Variants in ECRG4 observed in about 807,000 individuals in gnomAD.
ECRG4 encodes augurin.
A neutral mutation model predicts 15.8 loss-of-function variants in ECRG4; 18 were observed. The ratio of observed to expected loss-of-function variants is 1.14; its 90% CI spans 0.79 to 1.69. The LOEUF (loss-of-function observed/expected upper bound fraction) is 1.69, where lower values mean the gene tolerates loss of function less well. Among genes scored for constraint, ECRG4 ranks in the 40% most tolerant of loss-of-function variants. ECRG4 has a pLI of 0.00. For synonymous variants in ECRG4, 82 were observed against 73.9 expected, an observed-to-expected ratio of 1.11 and a Z score of -0.56; for missense variants, 200 against 190.9, an observed-to-expected ratio of 1.05 and a Z score of -0.28.
In ECRG4 at chr2:106,077,884, C is replaced by T. The variant is rs76863264; in HGVS notation, c.405C>T (p.Tyr135=). The T allele has an allele frequency of 8.4e-5, 135 of 1,614,058 alleles. No individual in the cohort carries two copies. The highest frequency in any genetic ancestry group is 4.3e-4 in the South Asian group (39 of 91,090). ...EDSAIGPRSP[Y]GFRHGASVNY... ...CTGCAATTGGTCCCCGGAGCCCCTA[C>T]GGCTTTAGGCATGGAGCCAGCGTCA... Residue 135 remains tyrosine (Y), a synonymous_variant, in exon 4 of 4, where the codon TAC becomes TAT. Coordinates refer to ENST00000238044, the MANE Select transcript of ECRG4 (RefSeq NM_032411.3).
Position 106,068,847 on chromosome 2 carries a change from G to A in ECRG4, c.80-2997G>A, listed in dbSNP as rs1446437895. Among the ~76,000 whole-genome samples the A allele has an allele frequency of 4.6e-5, 7 of 152,206 alleles. No individual in the cohort carries two copies. In the East Asian group the frequency reaches 5.8e-4, roughly 13 times the overall value. ...TTTAAGTTTGGAAGGGAAGTAGAGC[G>A]TTAAACAGTAGTCCCACCCCCATCT... On this transcript the variant is annotated intron_variant, in intron 1 of 3. Coordinates refer to ENST00000238044, the MANE Select transcript of ECRG4 (RefSeq NM_032411.3).
upstream of ECRG4, chr2:106,065,663 C>A: frequency 2.2e-6 from 2 of 899,292 alleles, no homozygotes; most frequent in South Asian, 2.4e-5. Flanking sequence ...GCAGGGATAA[C>A]CCGCGGCCGC....
At chr2:106,073,855 TG>T (rs1361407859) in intron 2 of ECRG4, 30 bp from the exon 3 acceptor site, 11 of 1,609,060 alleles carry the variant, frequency 6.8e-6, no homozygotes, top group Non-Finnish European at 9.4e-6. Flanking sequence ...TCATTCTTTG[TG>T]CTTTGGGGAT....
At position 106,069,241 on chromosome 2, in the gene ECRG4, C is replaced by CTTTTCTTTCTTCTTTCCTTCTTTCT. The variant is rs1676302277; in HGVS notation, c.80-2600_80-2599insTCTTTCTTCTTTCCTTCTTTCTTTT. Among the ~76,000 whole-genome samples the CTTTTCTTTCTTCTTTCCTTCTTTCT allele has an allele frequency of 1.0e-3, 133 of 131,092 alleles. 2 individuals are homozygous for CTTTTCTTTCTTCTTTCCTTCTTTCT. Among genetic ancestry groups the CTTTTCTTTCTTCTTTCCTTCTTTCT allele is most frequent in the Middle Eastern group, 3.8e-3 (1 of 260 alleles). The allele number at this position is 131,092 out of a possible 152,430, so 86.0% of individuals were successfully genotyped here. On this transcript the variant is annotated intron_variant, in intron 1 of 3. Coordinates refer to ENST00000238044, the MANE Select transcript of ECRG4 (RefSeq NM_032411.3). ...TCTTTCTTCTTTCCTTCTTTCTTTT[C>CTTTTCTTTCTTCTTTCCTTCTTTCT]TTTCTTTCTTCTTTCTCTTTCCTTT...
At chr2:106,063,901 A>G (rs1247765959), upstream of ECRG4, among the ~76,000 whole-genome samples, 1 of 152,192 alleles carries the variant, frequency 6.6e-6, no homozygotes, top group African/African-American at 2.4e-5. Context: ...GAGAATTTGA[A>G]TGTCATATTA....
upstream of ECRG4, among the ~76,000 whole-genome samples, chr2:106,064,719 G>A (rs1445893190): frequency 6.6e-6 from 1 of 152,194 alleles, no homozygotes; most frequent in Non-Finnish European, 1.5e-5. Context: ...AAGGAAAGAG[G>A]TAATCAGCTC....
intron 1 of ECRG4, among the ~76,000 whole-genome samples, chr2:106,071,425 G>A (rs1181855354): frequency 6.8e-6 from 1 of 146,008 alleles, no homozygotes; most frequent in Non-Finnish European, 1.5e-5. Flanking sequence ...TATCTGAAAA[G>A]ACCCCATTTC....
chr2:106,077,101 T>G (rs978631108), intron 3 of ECRG4, among the ~76,000 whole-genome samples: 3 of 152,176 alleles, frequency 2.0e-5, no homozygotes. Context: ...TATCTGTCAC[T>G]CAGGAACAGT....
chr2:106,075,295 G>A (rs10191416), intron 3 of ECRG4, among the ~76,000 whole-genome samples: 3,714 of 152,316 alleles, frequency 0.024, 164 homozygotes, highest in African/African-American at 0.082. Context: ...GTTTTCTGGC[G>A]TCTTCAGCAG....
chr2:106,069,139 CTT>C (rs1404413173), intron 1 of ECRG4, among the ~76,000 whole-genome samples: 4 of 133,480 alleles, frequency 3.0e-5, no homozygotes, highest in African/African-American at 1.1e-4. Context: ...CTCTTTCTTT[CTT>C]TCTTTCTTTT....
At chr2:106,071,932 G>A in intron 2 of ECRG4, 41 bp downstream of exon 2, 1 of 1,539,448 alleles carries the variant, frequency 6.5e-7, no homozygotes, top group East Asian at 2.2e-5. Context: ...ATTCTTAACT[G>A]GATGGAAATG....
At chr2:106,069,932 C>T (rs1479338418) in intron 1 of ECRG4, among the ~76,000 whole-genome samples, 1 of 152,150 alleles carries the variant, frequency 6.6e-6, no homozygotes, top group Non-Finnish European at 1.5e-5. Flanking sequence ...CCGACTTGAG[C>T]ACAGACAACA....
intron 2 of ECRG4, among the ~76,000 whole-genome samples, chr2:106,073,571 G>C (rs138768780): frequency 6.6e-6 from 1 of 152,216 alleles, no homozygotes; most frequent in Non-Finnish European, 1.5e-5. Flanking sequence ...CATTTGCCCC[G>C]GGAAAGGCCT....
chr2:106,064,904 G>T (rs535512017), upstream of ECRG4, among the ~76,000 whole-genome samples: 7 of 152,108 alleles, frequency 4.6e-5, no homozygotes, highest in Non-Finnish European at 1.0e-4. Flanking sequence ...AGTTGAACAG[G>T]CCAGTTACTG....
Position 106,078,103 on chromosome 2 carries a change from T to C in ECRG4, c.*177T>C, listed in dbSNP as rs907094668. Reference sequence around the variant, plus strand: ...CATGTAAATGCCTTTTGATATTTCATGGGAATGCCTCTCATTTAAAAATAG... The same window carrying C: ...CATGTAAATGCCTTTTGATATTTCACGGGAATGCCTCTCATTTAAAAATAG... On this transcript the variant is annotated 3_prime_UTR_variant, in exon 4 of 4. Transcript: ENST00000238044. 1.1e-5 allele frequency: 5 copies of C among 459,696 alleles called. No individual in the cohort carries two copies. Among genetic ancestry groups the C allele is most frequent in the South Asian group, 1.4e-4 (2 of 14,284 alleles). 28.5% of individuals were successfully genotyped at this position (459,696 alleles called of 1,614,324 possible). A position where few individuals can be genotyped will look rare whatever the true frequency, so the allele number is the denominator to read the frequency against.
At chr2:106,073,133 A>G (rs1266981686) in intron 2 of ECRG4, among the ~76,000 whole-genome samples, 3 of 152,198 alleles carry the variant, frequency 2.0e-5, no homozygotes, top group African/African-American at 7.2e-5. Flanking sequence ...ACTTTTATAG[A>G]TACGGGGACA....
At chr2:106,066,161 G>A (rs1676210117) in intron 1 of ECRG4, among the ~76,000 whole-genome samples, 3 of 152,200 alleles carry the variant, frequency 2.0e-5, no homozygotes, top group Admixed American at 6.5e-5. Context: ...AACGTAAGGG[G>A]CAAAAGGGTT....
intron 1 of ECRG4, among the ~76,000 whole-genome samples, chr2:106,067,363 G>T (rs1370649317): frequency 1.3e-5 from 2 of 152,148 alleles, no homozygotes; most frequent in African/African-American, 4.8e-5. Context: ...GTGAGCACTG[G>T]CTACAAGCCA....
At chr2:106,073,816 CAG>C in intron 2 of ECRG4, 68 bp from the exon 3 acceptor site, 2 of 1,576,126 alleles carry the variant, frequency 1.3e-6, no homozygotes, top group Admixed American at 1.7e-5. Flanking sequence ...GGATGTATAA[CAG>C]GGATTCACCG....
Sources: allele counts gnomAD v4.1 joint callset (sites outside exome capture counted in the v4.1 genomes callset), GRCh38; gene constraint gnomAD v4.1.1; transcripts MANE v1.5; gene names NCBI Gene and HGNC (gene_info 2026-07-23, HGNC 2026-07-21).